MTUS2: variants seen among roughly 807,000 people sequenced by gnomAD.
MTUS2 encodes the protein microtubule-associated tumor suppressor candidate 2.
A neutral mutation model predicts 114.1 loss-of-function variants in MTUS2; 40 were observed. The observed-to-expected ratio is 0.35, with a 90% CI of 0.27 to 0.46. The LOEUF is 0.46. MTUS2 is among the 20% of genes least tolerant of loss of function. The pLI is 1.00. For missense variants in MTUS2, 1,679 were observed against 1,705.4 expected (o/e 0.98, Z 0.27); for synonymous variants, 688 against 672.0 (o/e 1.02, Z -0.37).
intron 8 of MTUS2, among the ~76,000 whole-genome samples, chr13:29,409,479 A>G (rs1308804813): frequency 6.6e-6 from 1 of 152,176 alleles, no homozygotes; most frequent in Non-Finnish European, 1.5e-5. Context: ...GTTTTAAAAA[A>G]ACAAGTTAGA....
chr13:29,264,372 G>A (rs1443093381), intron 5 of MTUS2, among the ~76,000 whole-genome samples: 2 of 152,240 alleles, frequency 1.3e-5, no homozygotes, highest in Non-Finnish European at 2.9e-5. Context: ...TTGCTGAGAG[G>A]TGCAGGCTGC....
intron 4 of MTUS2, among the ~76,000 whole-genome samples, chr13:29,054,833 C>A (rs928592144): frequency 2.6e-5 from 4 of 151,948 alleles, no homozygotes; most frequent in African/African-American, 9.7e-5. Flanking sequence ...ACATATTTGG[C>A]CCAGAGTCTA....
rs189956897 is a variant in MTUS2, at chr13:29,369,859, C to T, written c.3117+10386C>T. Among the ~76,000 whole-genome samples, 43 of 152,046 alleles carry T rather than the reference C, an allele frequency of 2.8e-4. 1 individual carries two copies. The East Asian group carries it at 8.3e-3, about 29-fold the overall frequency. ...TCAAATTCTTCTTCAATAATATTTC[C>T]CCAATTTTTGTTTCAGGTTAAAACT... On this transcript the variant is annotated intron_variant, in intron 8 of 15. Transcript: ENST00000612955.
chr13:28,906,693 G>T (rs1207158705), intron 2 of MTUS2, among the ~76,000 whole-genome samples: 1 of 151,478 alleles, frequency 6.6e-6, no homozygotes, highest in East Asian at 1.9e-4. Context: ...TCAATTTTGG[G>T]ATAGGTGTGG....
chr13:28,956,997 G>C (rs903211206), intron 2 of MTUS2, among the ~76,000 whole-genome samples: 4 of 152,164 alleles, frequency 2.6e-5, no homozygotes, highest in African/African-American at 9.7e-5. Flanking sequence ...CTGGCGGGAA[G>C]GAAGTGTGGC....
In MTUS2 at chr13:28,881,533, G is replaced by T. The variant is rs117888216; in HGVS notation, c.-243+41683G>T. Among the ~76,000 whole-genome samples, 3 of 152,096 alleles carry T rather than the reference G, an allele frequency of 2.0e-5. No individual in the cohort carries two copies. The East Asian group carries it at 5.8e-4, about 29-fold the overall frequency. ...GGATCATATGGCAGTTCTATTTTTA[G>T]CTCTTTGAGAAATTTCTATACTGTT... On this transcript the variant is annotated intron_variant, in intron 2 of 15. Transcript: ENST00000612955.
At chr13:28,828,370 C>T (rs1238521232) in intron 1 of MTUS2, among the ~76,000 whole-genome samples, 2 of 152,010 alleles carry the variant, frequency 1.3e-5, no homozygotes, top group South Asian at 2.1e-4. Flanking sequence ...ATCACAGGGT[C>T]CTGAGGTGAC....
intron 5 of MTUS2, among the ~76,000 whole-genome samples, chr13:29,220,269 G>T (rs183680428): frequency 6.6e-6 from 1 of 152,240 alleles, no homozygotes; most frequent in East Asian, 1.9e-4. Flanking sequence ...CCAAAGTGCT[G>T]GGATTACAGG....
intron 8 of MTUS2, among the ~76,000 whole-genome samples, chr13:29,370,728 T>C (rs926314364): frequency 2.0e-5 from 3 of 152,168 alleles, no homozygotes; most frequent in Non-Finnish European, 2.9e-5. Context: ...TGTGGTATTC[T>C]GTTATAGAAT....
intron 8 of MTUS2, among the ~76,000 whole-genome samples, chr13:29,418,808 C>T (rs1260988139): frequency 6.6e-6 from 1 of 152,238 alleles, no homozygotes; most frequent in African/African-American, 2.4e-5. Context: ...TCTAGACCCT[C>T]CCCGTGTGGG....
At chr13:28,904,614 T>G (rs1055995062) in intron 2 of MTUS2, among the ~76,000 whole-genome samples, 1 of 152,184 alleles carries the variant, frequency 6.6e-6, no homozygotes, top group African/African-American at 2.4e-5. Context: ...TTGGTCTATA[T>G]CTCTGTTTTG....
intron 5 of MTUS2, among the ~76,000 whole-genome samples, chr13:29,147,965 G>A (rs1486370965): frequency 2.6e-5 from 4 of 152,106 alleles, no homozygotes; most frequent in African/African-American, 9.7e-5. Flanking sequence ...TCCAGTAATG[G>A]GATTGCTGGG....
intron 2 of MTUS2, among the ~76,000 whole-genome samples, chr13:28,906,549 A>T (rs1880028053): frequency 6.6e-6 from 1 of 151,600 alleles, no homozygotes; most frequent in Non-Finnish European, 1.5e-5. Context: ...TTCAGTTTCC[A>T]TATAGTTGAG....
chr13:29,408,285 T>C (rs911549670), intron 8 of MTUS2, among the ~76,000 whole-genome samples: 7 of 152,130 alleles, frequency 4.6e-5, no homozygotes, highest in African/African-American at 1.7e-4. Context: ...TTATAATCTT[T>C]TTAAATGTTT....
At chr13:29,462,583 G>A (rs1204478339) in intron 9 of MTUS2, among the ~76,000 whole-genome samples, 1 of 152,160 alleles carries the variant, frequency 6.6e-6, no homozygotes, top group African/African-American at 2.4e-5. Flanking sequence ...GACATGGCCT[G>A]ATTGCAGTAA....
chr13:29,032,121 G>A (rs936936370), intron 3 of MTUS2, among the ~76,000 whole-genome samples: 1 of 152,138 alleles, frequency 6.6e-6, no homozygotes, highest in Non-Finnish European at 1.5e-5. Flanking sequence ...AAGGAAAAGA[G>A]TATGAAGCTT....
intron 8 of MTUS2, among the ~76,000 whole-genome samples, chr13:29,389,619 G>A (rs549522502): frequency 4.2e-5 from 2 of 47,926 alleles, no homozygotes; most frequent in Non-Finnish European, 1.4e-4. Flanking sequence ...ACATATGTGT[G>A]TATATATGTA....
chr13:28,875,898 C>T (rs183018545), intron 2 of MTUS2, among the ~76,000 whole-genome samples: 1 of 152,192 alleles, frequency 6.6e-6, no homozygotes, highest in Non-Finnish European at 1.5e-5. Context: ...TCTATTAAAA[C>T]CCGTTTAAAA....
At chr13:29,364,247 T>C (rs1171566775) in intron 8 of MTUS2, among the ~76,000 whole-genome samples, 1 of 152,040 alleles carries the variant, frequency 6.6e-6, no homozygotes, top group Non-Finnish European at 1.5e-5. Context: ...TCCTTGATAA[T>C]GGGAAGGAGT....
Sources: allele counts gnomAD v4.1 joint callset (sites outside exome capture counted in the v4.1 genomes callset), GRCh38; gene constraint gnomAD v4.1.1; transcripts MANE v1.5; gene names NCBI Gene and HGNC (gene_info 2026-07-23, HGNC 2026-07-21).